The following CEMIP variants were observed in gnomAD, a reference collection of about 807,000 sequenced individuals.
CEMIP encodes the protein cell migration-inducing and hyaluronan-binding protein.
Under a neutral mutation model 156.9 loss-of-function variants are expected in CEMIP, and 105 were observed. The ratio of observed to expected loss-of-function variants is 0.67; its 90% CI spans 0.57 to 0.79. The LOEUF (loss-of-function observed/expected upper bound fraction) is 0.79, where lower values mean the gene tolerates loss of function less well. Ranked by LOEUF, CEMIP falls within the 30% of genes least tolerant of loss-of-function variation. The pLI is 0.00. For missense variants in CEMIP, 1,457 were observed against 1,769.4 expected (o/e 0.82, Z 3.17); for synonymous variants, 676 against 668.4 (o/e 1.01, Z -0.17).
Position 80,887,718 on chromosome 15 carries a change from G to A in CEMIP, c.822G>A (p.Val274=). 6.2e-7 allele frequency: 1 copy of A among 1,613,174 alleles called. No homozygotes were observed. Among genetic ancestry groups the A allele is most frequent in the Non-Finnish European group, 8.5e-7 (1 of 1,179,876 alleles). The change falls in exon 8 of 30, where the codon GTG becomes GTA. Residue 274 remains valine, a synonymous_variant. Coordinates refer to ENST00000394685, the MANE Select transcript of CEMIP (RefSeq NM_001293298.2). ...GFRHPWSFLT[V]KGNPSSSVED... ...GACACCCTTGGAGTTTTCTAACTGT[G>A]AAAGGAAATCCATCATCTTCAGTGG...
At chr15:80,937,389 G>C (rs768727593) in intron 24 of CEMIP, among the ~76,000 whole-genome samples, 1 of 152,230 alleles carries the variant, frequency 6.6e-6, no homozygotes, top group African/African-American at 2.4e-5. Flanking sequence ...CTGTGAGACA[G>C]ACATTTACCA....
intron 14 of CEMIP, 75 bp from the exon 15 acceptor site, chr15:80,920,019 G>T: frequency 7.6e-7 from 1 of 1,323,028 alleles, no homozygotes; most frequent in Non-Finnish European, 1.1e-6. Flanking sequence ...AGACTATTTA[G>T]TGTTTGCTGA....
chr15:80,879,039 C>T (rs762131507), intron 4 of CEMIP, among the ~76,000 whole-genome samples, 172 bp downstream of exon 4: 2 of 152,188 alleles, frequency 1.3e-5, no homozygotes. Flanking sequence ...TTAGGAATGG[C>T]TTGTCGGAGG....
chr15:80,833,898 GTCC>G (rs879877946), intron 1 of CEMIP, among the ~76,000 whole-genome samples: 20 of 152,202 alleles, frequency 1.3e-4, no homozygotes, highest in Admixed American at 3.3e-4. Flanking sequence ...TTGAACTCGT[GTCC>G]TCAAGTGATC....
intron 7 of CEMIP, 111 bp from the exon 8 acceptor site, chr15:80,887,583 G>GGT: frequency 6.4e-6 from 5 of 780,614 alleles, no homozygotes; most frequent in Non-Finnish European, 1.1e-5. Context: ...ACAGCAGGGA[G>GGT]GGACCCTCCT....
At chr15:80,825,939 T>C (rs1266098626) in intron 1 of CEMIP, among the ~76,000 whole-genome samples, 1 of 152,212 alleles carries the variant, frequency 6.6e-6, no homozygotes, top group Non-Finnish European at 1.5e-5. Context: ...AAGAAAAGAT[T>C]GTGGGCACCT....
chr15:80,919,434 C>A (rs1342952173), intron 14 of CEMIP, among the ~76,000 whole-genome samples: 1 of 152,182 alleles, frequency 6.6e-6, no homozygotes, highest in African/African-American at 2.4e-5. Context: ...TTGGATTCAC[C>A]TTCTCACGTA....
intron 1 of CEMIP, chr15:80,841,863 A>G (rs1438224134): frequency 8.4e-6 from 2 of 238,276 alleles, no homozygotes; most frequent in Non-Finnish European, 9.1e-6. Context: ...ACTGGCCAAA[A>G]GACCTTGAGA....
intron 3 of CEMIP, among the ~76,000 whole-genome samples, chr15:80,874,620 G>A (rs886858494): frequency 1.3e-5 from 2 of 152,152 alleles, no homozygotes; most frequent in African/African-American, 4.8e-5. Flanking sequence ...TCTAAGCCAG[G>A]TTTAGATCTA....
At chr15:80,834,092 C>T (rs1897217629) in intron 1 of CEMIP, among the ~76,000 whole-genome samples, 1 of 152,196 alleles carries the variant, frequency 6.6e-6, no homozygotes, top group Non-Finnish European at 1.5e-5. Flanking sequence ...AGCACCCCCA[C>T]CTCCCAGTTG....
At chr15:80,837,680 T>A (rs1271461711) in intron 1 of CEMIP, among the ~76,000 whole-genome samples, 1 of 152,366 alleles carries the variant, frequency 6.6e-6, no homozygotes, top group Middle Eastern at 3.4e-3. Flanking sequence ...CAAGAGGAAG[T>A]AAACAGATAT....
At chr15:80,935,088 C>T (rs1438150403) in intron 23 of CEMIP, among the ~76,000 whole-genome samples, 1 of 152,126 alleles carries the variant, frequency 6.6e-6, no homozygotes, top group African/African-American at 2.4e-5. Flanking sequence ...GCTCAAGAGC[C>T]CTGGGAGAGG....
chr15:80,937,422 C>T (rs991040640), intron 24 of CEMIP, among the ~76,000 whole-genome samples: 7 of 152,206 alleles, frequency 4.6e-5, no homozygotes, highest in Admixed American at 6.5e-5. Flanking sequence ...GAGACCAAAG[C>T]GATGAAATCG....
At chr15:80,821,738 G>A (rs1001267740) in intron 1 of CEMIP, among the ~76,000 whole-genome samples, 3 of 152,184 alleles carry the variant, frequency 2.0e-5, no homozygotes, top group Non-Finnish European at 4.4e-5. Context: ...CTTCTAATGG[G>A]CTACTTAGAG....
At chr15:80,784,010 C>T (rs1227746019) in intron 1 of CEMIP, among the ~76,000 whole-genome samples, 1 of 152,204 alleles carries the variant, frequency 6.6e-6, no homozygotes. Flanking sequence ...CTCCCCACCC[C>T]TGCAGGTGAG....
At chr15:80,787,982 T>C (rs1320222306) in intron 1 of CEMIP, among the ~76,000 whole-genome samples, 2 of 152,168 alleles carry the variant, frequency 1.3e-5, no homozygotes. Flanking sequence ...TGTCATGCCG[T>C]GAGGGACTTA....
intron 1 of CEMIP, among the ~76,000 whole-genome samples, chr15:80,792,897 G>A (rs1378345234): frequency 6.6e-6 from 1 of 152,136 alleles, no homozygotes; most frequent in Non-Finnish European, 1.5e-5. Flanking sequence ...AGACATTCAG[G>A]CATGAATGTT....
At chr15:80,903,456 C>G (rs780540435) in intron 12 of CEMIP, among the ~76,000 whole-genome samples, 1 of 152,114 alleles carries the variant, frequency 6.6e-6, no homozygotes, top group African/African-American at 2.4e-5. Context: ...GGGAGATACA[C>G]GCATGGAAGC....
intron 6 of CEMIP, among the ~76,000 whole-genome samples, chr15:80,882,783 T>C (rs1052230612): frequency 2.1e-5 from 3 of 145,212 alleles, no homozygotes; most frequent in Admixed American, 6.8e-5. Context: ...CACACACACA[T>C]ACACACACAC....
Sources: allele counts gnomAD v4.1 joint callset (sites outside exome capture counted in the v4.1 genomes callset), GRCh38; gene constraint gnomAD v4.1.1; transcripts MANE v1.5; gene names NCBI Gene and HGNC (gene_info 2026-07-23, HGNC 2026-07-21).